The following ANKRD30BL variants were observed in gnomAD, a reference collection of about 807,000 sequenced individuals.
ANKRD30BL encodes putative ankyrin repeat domain-containing protein 30B-like.
A neutral mutation model predicts 18.4 loss-of-function variants in ANKRD30BL; 20 were observed. The ratio of observed to expected loss-of-function variants is 1.09; its 90% confidence interval spans 0.77 to 1.58. The LOEUF is 1.58. ANKRD30BL is among the 40% of genes most tolerant of loss of function. The probability of loss-of-function intolerance (pLI) is 0.00; values close to 1 mark genes in which losing one functional copy is unlikely to be tolerated. For missense variants in ANKRD30BL, 224 were observed against 268.6 expected, an observed-to-expected ratio of 0.83 and a Z score of 1.16; for synonymous variants, 72 against 100.9, an observed-to-expected ratio of 0.71 and a Z score of 1.72.
chr2:132,244,642 C>T (rs149908654), intron 1 of ANKRD30BL, among the ~76,000 whole-genome samples: 2 of 152,282 alleles, frequency 1.3e-5, no homozygotes, highest in East Asian at 1.9e-4. Context: ...GATGTGTGCA[C>T]TCAAATCACA....
At chr2:132,221,646 G>C in intron 1 of ANKRD30BL, among the ~76,000 whole-genome samples, 1 of 123,274 alleles carries the variant, frequency 8.1e-6, no homozygotes, top group South Asian at 2.5e-4. Flanking sequence ...GGGAGGTGGG[G>C]GGTTCAGCCC....
intron 1 of ANKRD30BL, among the ~76,000 whole-genome samples, chr2:132,231,060 C>A (rs766463772): frequency 6.6e-6 from 1 of 151,736 alleles, no homozygotes; most frequent in Non-Finnish European, 1.5e-5. Context: ...GGAGTTGAAC[C>A]TTTATTTTGA....
At chr2:132,175,347 G>A (rs942670438) in intron 1 of ANKRD30BL, among the ~76,000 whole-genome samples, 8 of 152,174 alleles carry the variant, frequency 5.3e-5, no homozygotes, top group African/African-American at 1.2e-4. Context: ...GTGCACGTAG[G>A]CCAGATTTAT....
chr2:132,219,595 G>T (rs1215552751), intron 1 of ANKRD30BL, among the ~76,000 whole-genome samples: 1 of 152,074 alleles, frequency 6.6e-6, no homozygotes, highest in African/African-American at 2.4e-5. Flanking sequence ...CCATCATTTT[G>T]TAGAATCTTC....
intron 1 of ANKRD30BL, chr2:132,253,169 C>T: frequency 8.9e-6 from 2 of 224,574 alleles, no homozygotes; most frequent in South Asian, 9.6e-5. Context: ...CTCAGACAGG[C>T]ATAGCCCTGG....
chr2:132,220,109 T>A (rs1216676458), intron 1 of ANKRD30BL, among the ~76,000 whole-genome samples: 1 of 152,208 alleles, frequency 6.6e-6, no homozygotes, highest in Non-Finnish European at 1.5e-5. Context: ...ACTCTTTTAG[T>A]AGAATCTACA....
chr2:132,154,560 C>G (rs1451371005), intron 4 of ANKRD30BL, 102 bp downstream of exon 4: 23 of 519,846 alleles, frequency 4.4e-5, no homozygotes, highest in Non-Finnish European at 7.6e-5. Flanking sequence ...TCTGCATAAT[C>G]TAATAATTTT....
chr2:132,166,795 A>G (rs1400983109), upstream of ANKRD30BL, among the ~76,000 whole-genome samples: 9 of 151,736 alleles, frequency 5.9e-5, no homozygotes, highest in Admixed American at 5.9e-4. Context: ...CCTGTTTTCT[A>G]TTTTACTGAT....
At chr2:132,182,948 T>C (rs1408684275) in intron 1 of ANKRD30BL, among the ~76,000 whole-genome samples, 3 of 152,278 alleles carry the variant, frequency 2.0e-5, no homozygotes, top group East Asian at 1.9e-4. Context: ...AATAAAATTG[T>C]ATTTTGATAT....
At chr2:132,241,872 C>A (rs1357469857) in intron 1 of ANKRD30BL, among the ~76,000 whole-genome samples, 5 of 151,774 alleles carry the variant, frequency 3.3e-5, no homozygotes, top group African/African-American at 7.3e-5. Context: ...AAAAACTAGA[C>A]AAAAGCATTC....
chr2:132,236,233 A>G (rs1053588352), intron 1 of ANKRD30BL, among the ~76,000 whole-genome samples: 4 of 151,778 alleles, frequency 2.6e-5, no homozygotes, highest in Non-Finnish European at 5.9e-5. Flanking sequence ...AACCATAAAA[A>G]CCCTAGAAGA....
At chr2:132,227,218 C>A (rs1448140556) in intron 1 of ANKRD30BL, among the ~76,000 whole-genome samples, 1 of 152,062 alleles carries the variant, frequency 6.6e-6, no homozygotes, top group East Asian at 1.9e-4. Flanking sequence ...CACATAAATA[C>A]TAGACAGAAG....
At chr2:132,177,428 A>C (rs1456497995) in intron 1 of ANKRD30BL, among the ~76,000 whole-genome samples, 3 of 152,220 alleles carry the variant, frequency 2.0e-5, no homozygotes, top group African/African-American at 7.2e-5. Flanking sequence ...CTGAGATTAC[A>C]GGCCTGAGCC....
chr2:132,245,409 C>T (rs975648016), intron 1 of ANKRD30BL, among the ~76,000 whole-genome samples: 14 of 57,154 alleles, frequency 2.4e-4, no homozygotes, highest in African/African-American at 9.6e-4. Context: ...ACATTTGGAG[C>T]GCTTTGAGGC....
At chr2:132,153,585 G>C (rs1462065146) in intron 4 of ANKRD30BL, 3 of 648,242 alleles carry the variant, frequency 4.6e-6, no homozygotes, top group Non-Finnish European at 8.3e-6. Context: ...ACAGCATAAC[G>C]TTCTGCAATC....
chr2:132,175,611 T>G (rs556587346), intron 1 of ANKRD30BL, among the ~76,000 whole-genome samples: 43 of 152,328 alleles, frequency 2.8e-4, no homozygotes, highest in Non-Finnish European at 4.0e-4. Context: ...GTGTTGGGCT[T>G]GGGGATGGTC....
intron 1 of ANKRD30BL, among the ~76,000 whole-genome samples, chr2:132,182,605 T>C (rs562876587): frequency 1.5e-4 from 23 of 152,028 alleles, no homozygotes; most frequent in Admixed American, 1.4e-3. Flanking sequence ...TAGGAAGAAA[T>C]AAGTTAGGGA....
rs1687652784 is a variant in ANKRD30BL, at chr2:132,148,037, G to A, written c.*94C>T. On this transcript the variant is annotated 3_prime_UTR_variant, in exon 6 of 6. Coordinates refer to ENST00000409867, the MANE Select transcript of ANKRD30BL (RefSeq NM_001358416.1). ...CATACTGACATATTTGTTCTTTGAT[G>A]AGGAACTCAGAACTCATTGTACTTA... 1.1e-6 allele frequency: 1 copy of A among 892,188 alleles called. No homozygotes were observed. 55.3% of individuals were successfully genotyped at this position (892,188 alleles called of 1,614,324 possible).
intron 3 of ANKRD30BL, 177 bp from the exon 4 acceptor site, chr2:132,154,945 C>A: frequency 2.2e-6 from 1 of 458,112 alleles, no homozygotes; most frequent in Non-Finnish European, 4.0e-6. Flanking sequence ...AAACATTCAG[C>A]CTCTGCATCA....
Sources: allele counts gnomAD v4.1 joint callset (sites outside exome capture counted in the v4.1 genomes callset), GRCh38; gene constraint gnomAD v4.1.1; transcripts MANE v1.5; gene names NCBI Gene and HGNC (gene_info 2026-07-23, HGNC 2026-07-21).